MYBL2: variants seen among roughly 807,000 people sequenced by gnomAD.
MYBL2 encodes myb-related protein B.
A neutral mutation model predicts 79.9 loss-of-function variants in MYBL2; 28 were observed. The ratio of observed to expected loss-of-function variants is 0.35; its 90% CI spans 0.26 to 0.48. The LOEUF is 0.48. MYBL2 is among the 20% of genes least tolerant of loss of function. The pLI, the probability that MYBL2 is intolerant of heterozygous loss-of-function variation, is 0.99. For missense variants in MYBL2, 735 were observed against 893.9 expected (o/e 0.82, Z 2.27); for synonymous variants, 378 against 361.2 (o/e 1.05, Z -0.53).
chr20:43,706,577 A>C (rs981990306), intron 9 of MYBL2, among the ~76,000 whole-genome samples: 1 of 151,936 alleles, frequency 6.6e-6, no homozygotes, highest in Non-Finnish European at 1.5e-5. Context: ...GTCAGAAATC[A>C]GTCTCCAAAG....
At position 43,692,247 on chromosome 20, in the gene MYBL2, G is replaced by A. The variant is rs766523650; in HGVS notation, c.591G>A (p.Lys197=). The change falls in exon 6 of 14, where the codon AAG becomes AAA. Residue 197 remains lysine (K), a synonymous_variant. Transcript: ENST00000217026. The part of the protein sequence containing the change: ...GGFLSESKDC[K]PPVYLLLELE... ...TCTTGAGCGAGTCCAAAGACTGCAAGCCCCCAGTGTACTTGCTGCTGGAGC... is the reference window on the plus strand; with the variant it reads ...TCTTGAGCGAGTCCAAAGACTGCAAACCCCCAGTGTACTTGCTGCTGGAGC... 6 of 1,614,088 alleles carry A rather than the reference G, an allele frequency of 3.7e-6. No individual in the cohort carries two copies. The Admixed American group carries it at 6.7e-5, about 18-fold the overall frequency.
At chr20:43,671,564 C>T (rs1986857872) in intron 1 of MYBL2, among the ~76,000 whole-genome samples, 1 of 150,592 alleles carries the variant, frequency 6.6e-6, no homozygotes, top group Admixed American at 6.6e-5. Flanking sequence ...CCTCCGCCTC[C>T]CAGGTTCAAG....
At chr20:43,684,980 C>G (rs77787243) in intron 4 of MYBL2, among the ~76,000 whole-genome samples, 1 of 151,338 alleles carries the variant, frequency 6.6e-6, no homozygotes, top group Non-Finnish European at 1.5e-5. Context: ...AACCCCGTCT[C>G]TACTAAAAAT....
chr20:43,676,774 T>C (rs1987019213), intron 2 of MYBL2, among the ~76,000 whole-genome samples: 1 of 152,198 alleles, frequency 6.6e-6, no homozygotes, highest in Non-Finnish European at 1.5e-5. Flanking sequence ...GCCTTTTTAT[T>C]TTACCTCAGT....
intron 1 of MYBL2, among the ~76,000 whole-genome samples, chr20:43,667,992 G>A (rs1986761064): frequency 6.6e-6 from 1 of 151,874 alleles, no homozygotes; most frequent in African/African-American, 2.4e-5. Flanking sequence ...CAGGAACTGC[G>A]GTCTCCATTT....
intron 12 of MYBL2, among the ~76,000 whole-genome samples, chr20:43,714,277 C>G (rs1449192629): frequency 6.6e-6 from 1 of 152,168 alleles, no homozygotes; most frequent in Admixed American, 6.5e-5. Flanking sequence ...CTTTGTGCAA[C>G]TCCGCTGTGC....
At chr20:43,678,197 C>T (rs1202433174) in intron 2 of MYBL2, among the ~76,000 whole-genome samples, 1 of 152,064 alleles carries the variant, frequency 6.6e-6, no homozygotes, top group East Asian at 1.9e-4. Context: ...CCTAGGAAAA[C>T]CAGAGACCTT....
intron 6 of MYBL2, among the ~76,000 whole-genome samples, chr20:43,693,028 TA>T (rs1374615442): frequency 3.9e-5 from 6 of 152,170 alleles, no homozygotes; most frequent in African/African-American, 1.4e-4. Context: ...CCTATAGTAT[TA>T]CATTTGCAGG....
chr20:43,705,281 C>T lies in MYBL2; in HGVS notation c.1428C>T (p.Thr476=). ...LELESPSLTS[T]PVCSQKVVVT... ...TGGAGAGCCCCTCGCTGACATCCACCCCAGTGTGCAGCCAGAAGGTGGTGG... is the reference window on the plus strand; with the variant it reads ...TGGAGAGCCCCTCGCTGACATCCACTCCAGTGTGCAGCCAGAAGGTGGTGG... Residue 476 remains threonine (T), a synonymous_variant, in exon 9 of 14, where the codon ACC becomes ACT. Transcript: ENST00000217026. The T allele has an allele frequency of 6.2e-7, 1 of 1,614,108 alleles. No homozygotes were observed. The highest frequency in any genetic ancestry group is 8.5e-7 in the Non-Finnish European group (1 of 1,180,008).
rs2145728791 is a variant in MYBL2 at position 43,702,557 on chromosome 20, TCAA to T, written c.1025_1027del (p.Asn342del). The T allele has an allele frequency of 1.9e-6, 3 of 1,614,118 alleles. No individual in the cohort carries two copies. Among genetic ancestry groups the T allele is most frequent in the Non-Finnish European group, 2.5e-6 (3 of 1,180,016 alleles). On this transcript the variant is annotated inframe_deletion, in exon 8 of 14. Coordinates refer to ENST00000217026, the MANE Select transcript of MYBL2 (RefSeq NM_002466.4). Reference sequence around the variant, plus strand: ...GAGGAACCATCTGCAGAGGACAGTATCAACAACAGCCTAGTGCAGCTGCAAGCG... The same window carrying T: ...GAGGAACCATCTGCAGAGGACAGTATCAACAGCCTAGTGCAGCTGCAAGCG...
At chr20:43,705,184 T>TCATTTTGTCTTGTA (rs1459929456) in intron 8 of MYBL2, 35 bp from the exon 9 acceptor site, 6 of 1,609,694 alleles carry the variant, frequency 3.7e-6, no homozygotes, top group Non-Finnish European at 5.1e-6. Flanking sequence ...ATGCAGGTCA[T>TCATTTTGTCTTGTA]CATTTTGTCT....
intron 9 of MYBL2, among the ~76,000 whole-genome samples, chr20:43,706,860 C>T (rs1987798184): frequency 6.6e-6 from 1 of 150,892 alleles, no homozygotes; most frequent in African/African-American, 2.4e-5. Flanking sequence ...GGATTACAGG[C>T]ACGCGCCACC....
In MYBL2 at chr20:43,702,603, C is replaced by A; in HGVS notation, c.1065C>A (p.Val355=). The A allele has an allele frequency of 6.2e-7, 1 of 1,614,196 alleles. No homozygotes were observed. Among genetic ancestry groups the A allele is most frequent in the Non-Finnish European group, 8.5e-7 (1 of 1,180,040 alleles). Residue 355 remains valine (V), a synonymous_variant, in exon 8 of 14, where the codon GTC becomes GTA. Transcript: ENST00000217026. ...VQLQASHQQQ[V]LPPRQPSALV... is the part of the protein sequence containing the mutation. ...TGCAAGCGTCACATCAGCAGCAAGT[C>A]CTGCCACCCCGCCAGCCTTCCGCCC...
chr20:43,704,855 T>A (rs1987744980), intron 8 of MYBL2, among the ~76,000 whole-genome samples: 1 of 152,168 alleles, frequency 6.6e-6, no homozygotes, highest in African/African-American at 2.4e-5. Context: ...ACTACAACTG[T>A]CACATGCCTT....
intron 2 of MYBL2, among the ~76,000 whole-genome samples, chr20:43,674,220 T>G (rs1986942336): frequency 9.8e-6 from 1 of 102,346 alleles, no homozygotes; most frequent in Non-Finnish European, 2.0e-5. Context: ...GCCAAATCTG[T>G]AACTCCCCCC....
intron 1 of MYBL2, among the ~76,000 whole-genome samples, chr20:43,671,720 C>G (rs1272868408): frequency 1.3e-5 from 2 of 150,514 alleles, no homozygotes. Context: ...GATCTGCCTG[C>G]CTTGGCCCCA....
Position 43,667,267 on chromosome 20 carries a change from C to A in MYBL2, c.-17C>A. The A allele has an allele frequency of 8.2e-7, 1 of 1,222,784 alleles. No homozygotes were observed. 75.7% of individuals were successfully genotyped at this position (1,222,784 alleles called of 1,614,324 possible). A position where few individuals can be genotyped will look rare whatever the true frequency, so the allele number is the denominator to read the frequency against. ...TGCCGGCGGGCGGGCGAGCGCGGCGCGGTCCGGGCCGGGGGGATGTCTCGG... is the reference window on the plus strand; with the variant it reads ...TGCCGGCGGGCGGGCGAGCGCGGCGAGGTCCGGGCCGGGGGGATGTCTCGG... On this transcript the variant is annotated 5_prime_UTR_variant, in exon 1 of 14. Coordinates refer to ENST00000217026, the MANE Select transcript of MYBL2 (RefSeq NM_002466.4).
At chr20:43,686,804 G>A in intron 4 of MYBL2, 48 bp from the exon 5 acceptor site, 1 of 1,576,162 alleles carries the variant, frequency 6.3e-7, no homozygotes. Flanking sequence ...TATGGTGGGG[G>A]CGAGAGAGGG....
At position 43,667,663 on chromosome 20, in the gene MYBL2, A is replaced by G. The variant is rs567306287; in HGVS notation, c.20+360A>G. 4.8e-3 allele frequency among the ~76,000 whole-genome samples: 723 copies of G among 152,054 alleles called. 12 individuals are homozygous for G. Among genetic ancestry groups the G allele is most frequent in the Admixed American group, 0.042 (649 of 15,280 alleles). On this transcript the variant is annotated intron_variant, in intron 1 of 13. Transcript: ENST00000217026. ...CTGGCAGGGCCTTCGCCGGCGAGGG[A>G]GGCGACCCCTGGGAGCGAGAGGGAG...
Sources: allele counts gnomAD v4.1 joint callset (sites outside exome capture counted in the v4.1 genomes callset), GRCh38; gene constraint gnomAD v4.1.1; transcripts MANE v1.5; gene names NCBI Gene and HGNC (gene_info 2026-07-23, HGNC 2026-07-21).